The following PEX7 variants were observed in gnomAD, a reference collection of about 807,000 sequenced individuals.
The protein encoded by PEX7 is PTS2 receptor.
In PEX7, 34 loss-of-function variants were observed where a neutral mutation model predicts 47.5. That is an observed-to-expected ratio of 0.72 (90% CI 0.54 to 0.95). The LOEUF (loss-of-function observed/expected upper bound fraction) is 0.95. Ranked by LOEUF, PEX7 falls within the 40% of genes least tolerant of loss-of-function variation. The pLI is 0.00. For missense variants in PEX7, 394 were observed against 400.3 expected (o/e 0.98, Z 0.13); for synonymous variants, 141 against 148.8 (o/e 0.95, Z 0.38).
At chr6:136,860,245 A>G (rs1774934006) in intron 5 of PEX7, among the ~76,000 whole-genome samples, 2 of 152,084 alleles carry the variant, frequency 1.3e-5, no homozygotes, top group African/African-American at 4.8e-5. Flanking sequence ...TTTGGTCATT[A>G]GGTCTCCTTC....
At chr6:136,846,578 G>A (rs1295353898) in intron 5 of PEX7, among the ~76,000 whole-genome samples, 1 of 151,998 alleles carries the variant, frequency 6.6e-6, no homozygotes, top group Non-Finnish European at 1.5e-5. Context: ...CCACCTATGA[G>A]TGAGAACATG....
Position 136,872,365 on chromosome 6 carries a change from A to G in PEX7, c.803+112A>G, listed in dbSNP as rs112231315. The G allele has an allele frequency of 2.2e-5, 18 of 801,242 alleles. 1 individual carries two copies. The Admixed American group carries it at 2.8e-4, about 13-fold the overall frequency. The allele number at this position is 801,242 out of a possible 1,614,324, so 49.6% of individuals were successfully genotyped here. A position where few individuals can be genotyped will look rare whatever the true frequency, so the allele number is the denominator to read the frequency against. ...CTTACTAACATGAAAATAATCTGAG[A>G]TGGGTACATTTAAATATTTACTAGG... On this transcript the variant is annotated intron_variant, in intron 8 of 9. Coordinates refer to ENST00000318471, the MANE Select transcript of PEX7 (RefSeq NM_000288.4).
chr6:136,867,355 A>T (rs969520196), intron 6 of PEX7, among the ~76,000 whole-genome samples: 1 of 152,176 alleles, frequency 6.6e-6, no homozygotes, highest in Admixed American at 6.5e-5. Flanking sequence ...GTAAGATATA[A>T]TGGAGCTGAA....
chr6:136,872,126 T>A, intron 7 of PEX7, 72 bp from the exon 8 acceptor site: 2 of 1,238,170 alleles, frequency 1.6e-6, no homozygotes, highest in Non-Finnish European at 2.3e-6. Flanking sequence ...GTTTATGGAA[T>A]GATCATAGAA....
chr6:136,859,929 C>T (rs574023394), intron 5 of PEX7, among the ~76,000 whole-genome samples: 1 of 151,424 alleles, frequency 6.6e-6, no homozygotes, highest in Non-Finnish European at 1.5e-5. Context: ...GAGGCTGAGG[C>T]AGGAGAATCG....
intron 5 of PEX7, among the ~76,000 whole-genome samples, chr6:136,852,334 A>G (rs1774772807): frequency 1.4e-5 from 2 of 144,236 alleles, no homozygotes; most frequent in Non-Finnish European, 3.0e-5. Context: ...AGAAGGAAAT[A>G]AAGCGTATTC....
Position 136,825,106 on chromosome 6 carries a change from G to T in PEX7, c.131-108G>T, listed in dbSNP as rs1774163266. On this transcript the variant is annotated intron_variant, in intron 1 of 9. Transcript: ENST00000318471. The stretch of plus-strand genomic sequence containing the variant: ...TATTCAAGGTCCCAAATACTTTGGG[G>T]AAAAATTTGTGGTATTAAAATCAGG... The T allele has an allele frequency of 3.3e-6, 3 of 921,114 alleles. No individual in the cohort carries two copies. In the Admixed American group the frequency reaches 5.5e-5, roughly 17 times the overall value. 57.1% of individuals were successfully genotyped at this position (921,114 alleles called of 1,614,324 possible).
chr6:136,853,619 A>G (rs1021409161), intron 5 of PEX7, among the ~76,000 whole-genome samples: 2 of 152,178 alleles, frequency 1.3e-5, no homozygotes, highest in African/African-American at 4.8e-5. Context: ...TAAATTGTGA[A>G]AGTACTATTA....
Position 136,872,257 on chromosome 6 carries a change from C to G in PEX7, c.803+4C>G, listed in dbSNP as rs759745913. Reference sequence around the variant, plus strand: ...GCTCGTATGATTTTACTGTAAGGTACAGTGGTTTTTAATACATTTCATTGT... The same window carrying G: ...GCTCGTATGATTTTACTGTAAGGTAGAGTGGTTTTTAATACATTTCATTGT... On this transcript the variant is annotated splice_donor_region_variant and intron_variant, in intron 8 of 9. Coordinates refer to ENST00000318471, the MANE Select transcript of PEX7 (RefSeq NM_000288.4). The G allele has an allele frequency of 7.5e-6, 12 of 1,606,280 alleles. No homozygotes were observed. The highest frequency in any genetic ancestry group is 3.3e-4 in the Middle Eastern group (2 of 6,052).
At chr6:136,893,938 A>G (rs1775600121) in intron 8 of PEX7, among the ~76,000 whole-genome samples, 1 of 152,262 alleles carries the variant, frequency 6.6e-6, no homozygotes, top group Non-Finnish European at 1.5e-5. Context: ...CTAAATTTCA[A>G]AAGTGTTAGT....
intron 3 of PEX7, among the ~76,000 whole-genome samples, chr6:136,834,404 A>G (rs1003322506): frequency 1.3e-5 from 2 of 152,110 alleles, no homozygotes; most frequent in African/African-American, 2.4e-5. Context: ...TTTTGTAGAG[A>G]TGGGGTTTCT....
At chr6:136,824,024 T>C (rs1774138970) in intron 1 of PEX7, among the ~76,000 whole-genome samples, 1 of 152,166 alleles carries the variant, frequency 6.6e-6, no homozygotes. Context: ...ATGTCAGTGG[T>C]CTATTGTATT....
At chr6:136,834,758 C>A (rs1774356479) in intron 3 of PEX7, among the ~76,000 whole-genome samples, 1 of 149,050 alleles carries the variant, frequency 6.7e-6, no homozygotes, top group African/African-American at 2.5e-5. Flanking sequence ...AGATTTTGGG[C>A]CACACACTGT....
At chr6:136,835,083 G>T (rs773718889) in intron 3 of PEX7, among the ~76,000 whole-genome samples, 1 of 151,916 alleles carries the variant, frequency 6.6e-6, no homozygotes, top group Admixed American at 6.5e-5. Flanking sequence ...GGGCTAACAG[G>T]CATGACTAAT....
intron 5 of PEX7, among the ~76,000 whole-genome samples, chr6:136,858,644 A>G (rs1011259315): frequency 6.6e-6 from 1 of 152,234 alleles, no homozygotes; most frequent in Non-Finnish European, 1.5e-5. Flanking sequence ...GTACTAGTCT[A>G]TGGAATAGCT....
intron 8 of PEX7, among the ~76,000 whole-genome samples, chr6:136,892,256 T>G (rs1487536884): frequency 6.6e-6 from 1 of 152,184 alleles, no homozygotes; most frequent in Admixed American, 6.5e-5. Flanking sequence ...CTTATGAAAT[T>G]CTTTCTGTAG....
intron 8 of PEX7, among the ~76,000 whole-genome samples, chr6:136,890,996 C>G (rs1775543499): frequency 6.6e-6 from 1 of 152,152 alleles, no homozygotes; most frequent in African/African-American, 2.4e-5. Flanking sequence ...TTATTTGAAG[C>G]TGTATTGCAA....
At chr6:136,844,305 C>T (rs537114248) in intron 3 of PEX7, among the ~76,000 whole-genome samples, 63 of 152,054 alleles carry the variant, frequency 4.1e-4, no homozygotes, top group African/African-American at 1.4e-3. Flanking sequence ...AGGAGGTCAT[C>T]GCTGCAGTGA....
At chr6:136,887,375 T>C (rs1775484058) in intron 8 of PEX7, among the ~76,000 whole-genome samples, 1 of 152,208 alleles carries the variant, frequency 6.6e-6, no homozygotes, top group Non-Finnish European at 1.5e-5. Flanking sequence ...GATTTAAATA[T>C]CAATATATGC....
Sources: allele counts gnomAD v4.1 joint callset (sites outside exome capture counted in the v4.1 genomes callset), GRCh38; gene constraint gnomAD v4.1.1; transcripts MANE v1.5; gene names NCBI Gene and HGNC (gene_info 2026-07-23, HGNC 2026-07-21).